The following MGAT5 variants were observed in gnomAD, a reference collection of about 807,000 sequenced individuals.
MGAT5 encodes alpha-1,6-mannosylglycoprotein 6-beta-N-acetylglucosaminyltransferase A.
MGAT5 carries 30 observed loss-of-function variants against 94.3 expected under a neutral mutation model. That is an observed-to-expected ratio of 0.32 (90% CI 0.24 to 0.43). The LOEUF (loss-of-function observed/expected upper bound fraction) is 0.43. Among genes scored for constraint, MGAT5 ranks in the 20% least tolerant of loss-of-function variants. The pLI is 1.00. For missense variants in MGAT5, 691 were observed against 905.5 expected (o/e 0.76, Z 3.04); for synonymous variants, 310 against 322.9 (o/e 0.96, Z 0.43).
chr2:134,427,503 A>G (rs1352016948), intron 13 of MGAT5, among the ~76,000 whole-genome samples: 1 of 152,166 alleles, frequency 6.6e-6, no homozygotes, highest in Non-Finnish European at 1.5e-5. Context: ...CTCCCCTCAA[A>G]TAAAATCGGG....
At position 134,217,782 on chromosome 2, in the gene MGAT5, G is replaced by C. The variant is rs569179066; in HGVS notation, c.-142-36480G>C. ...ATTTGGTCCTCTTCTGAGAGAAAAG[G>C]ACTGTTTAGTTCCACCAGATGAGTC... On this transcript the variant is annotated intron_variant, in intron 1 of 16. Transcript: ENST00000409645. Among the ~76,000 whole-genome samples the C allele has an allele frequency of 2.0e-5, 3 of 152,284 alleles. No individual in the cohort carries two copies. In the South Asian group the frequency reaches 6.2e-4, roughly 32 times the overall value.
intron 10 of MGAT5, among the ~76,000 whole-genome samples, chr2:134,399,549 A>G (rs1682916186): frequency 1.3e-5 from 2 of 152,266 alleles, no homozygotes; most frequent in South Asian, 4.1e-4. Flanking sequence ...GAATAAAAGC[A>G]TTAGGGGGGT....
intron 12 of MGAT5, among the ~76,000 whole-genome samples, chr2:134,421,825 A>G (rs1396102644): frequency 6.6e-6 from 1 of 152,046 alleles, no homozygotes; most frequent in Admixed American, 6.5e-5. Context: ...TTAAAGGGAT[A>G]TGAGGACAGA....
In MGAT5 at chr2:134,343,105, G is replaced by C. The variant is rs182243414; in HGVS notation, c.977+1346G>C. 6.6e-5 allele frequency among the ~76,000 whole-genome samples: 10 copies of C among 152,146 alleles called. No individual in the cohort carries two copies. The East Asian group carries it at 1.9e-3, about 29-fold the overall frequency. ...AATAGGTGAATGAATGAGTGGGTAG[G>C]TAAATAAATGGAGTGCTGTGGTAGA... On this transcript the variant is annotated intron_variant, in intron 7 of 15. Coordinates refer to ENST00000281923, the MANE Select transcript of MGAT5 (RefSeq NM_002410.5).
chr2:134,437,299 AGT>A (rs1379946188), intron 14 of MGAT5, among the ~76,000 whole-genome samples: 1 of 152,116 alleles, frequency 6.6e-6, no homozygotes, highest in Non-Finnish European at 1.5e-5. Context: ...CTCTAGCTTC[AGT>A]GTTAACCTTT....
intron 1 of MGAT5, among the ~76,000 whole-genome samples, chr2:134,138,020 C>T (rs1280154181): frequency 6.8e-6 from 1 of 147,100 alleles, no homozygotes; most frequent in Non-Finnish European, 1.5e-5. Flanking sequence ...GAGACAGAGT[C>T]TTGCTCTCTT....
chr2:134,239,160 G>A (rs1474216913), intron 1 of MGAT5, among the ~76,000 whole-genome samples: 1 of 151,860 alleles, frequency 6.6e-6, no homozygotes, highest in Non-Finnish European at 1.5e-5. Context: ...CACCACACCT[G>A]GCTAATTTTT....
chr2:134,387,161 T>C (rs1287613251), intron 10 of MGAT5, among the ~76,000 whole-genome samples: 3 of 151,482 alleles, frequency 2.0e-5, no homozygotes, highest in East Asian at 3.9e-4. Flanking sequence ...CTCGGGAGGC[T>C]GAGGCAGGAG....
At chr2:134,385,448 A>G (rs922950282) in intron 10 of MGAT5, among the ~76,000 whole-genome samples, 1 of 152,204 alleles carries the variant, frequency 6.6e-6, no homozygotes, top group African/African-American at 2.4e-5. Flanking sequence ...ATTAAATCCA[A>G]AGAGAAGGAA....
At chr2:134,302,938 C>G (rs1686113317) in intron 2 of MGAT5, among the ~76,000 whole-genome samples, 1 of 152,034 alleles carries the variant, frequency 6.6e-6, no homozygotes, top group South Asian at 2.1e-4. Flanking sequence ...TTGTGGTTCA[C>G]TGAATTGCTG....
In MGAT5 at chr2:134,453,846, T is replaced by G. The variant is rs568690757; in HGVS notation, c.*4999T>G. 10 of 152,340 alleles carry G rather than the reference T, an allele frequency of 6.6e-5. No individual in the cohort carries two copies. The highest frequency in any genetic ancestry group is 2.2e-4 in the African/African-American group (9 of 41,578). 9.4% of individuals were successfully genotyped at this position (152,340 alleles called of 1,614,324 possible). On this transcript the variant is annotated 3_prime_UTR_variant, in exon 16 of 16. Transcript: ENST00000281923. ...CCTAAATATCGGTTTGCTTTTTGTT[T>G]TGGGGGAGAGGATTTAGCCTCTTAC...
chr2:134,342,719 T>TAA (rs3838499), intron 7 of MGAT5, among the ~76,000 whole-genome samples: 86,236 of 138,802 alleles, frequency 0.62, 27,979 homozygotes, highest in Admixed American at 0.71. Flanking sequence ...GTCTCTGTCT[T>TAA]AAAAAAAAAA....
At chr2:134,220,386 A>T (rs542183647) in intron 1 of MGAT5, among the ~76,000 whole-genome samples, 34 of 152,166 alleles carry the variant, frequency 2.2e-4, no homozygotes, top group Admixed American at 2.0e-3. Context: ...GGCACACAAG[A>T]TGGTGTCTCT....
At chr2:134,189,109 G>A (rs1689187217) in intron 1 of MGAT5, among the ~76,000 whole-genome samples, 1 of 152,198 alleles carries the variant, frequency 6.6e-6, no homozygotes, top group Non-Finnish European at 1.5e-5. Context: ...TGAGCCTGGT[G>A]TCCAGTTTCT....
rs115651006 is a variant in MGAT5, at chr2:134,449,047, G to A, written c.*200G>A. ...TCACCAAAACAAAACAAGAGCGTAT[G>A]TCAGGCCAGGAGCCTGGCTTGTCCC... is the stretch of plus-strand genomic sequence containing the variant. On this transcript the variant is annotated 3_prime_UTR_variant, in exon 16 of 16. Coordinates refer to ENST00000281923, the MANE Select transcript of MGAT5 (RefSeq NM_002410.5). 19,218 of 594,510 alleles carry A rather than the reference G, an allele frequency of 0.032. 389 individuals carry two copies. The highest frequency in any genetic ancestry group is 0.041 in the Non-Finnish European group (13,609 of 335,076). The allele number at this position is 594,510 out of a possible 1,614,324, so 36.8% of individuals were successfully genotyped here.
At chr2:134,415,380 C>G (rs1683906015) in intron 12 of MGAT5, among the ~76,000 whole-genome samples, 1 of 152,164 alleles carries the variant, frequency 6.6e-6, no homozygotes, top group African/African-American at 2.4e-5. Flanking sequence ...AGATGTTGAG[C>G]ACCTTTTCAT....
chr2:134,366,008 G>A (rs12691864), intron 10 of MGAT5, among the ~76,000 whole-genome samples: 146,348 of 152,118 alleles, frequency 0.96, 70,509 homozygotes, highest in Non-Finnish European at 0.99. Flanking sequence ...CAGAATCCCA[G>A]GGGCATCAAC....
intron 2 of MGAT5, among the ~76,000 whole-genome samples, chr2:134,307,924 G>A (rs1257323961): frequency 1.3e-5 from 2 of 152,080 alleles, no homozygotes; most frequent in East Asian, 3.9e-4. Flanking sequence ...ACTGCCTGGG[G>A]CCACTCAAAT....
intron 1 of MGAT5, among the ~76,000 whole-genome samples, chr2:134,217,931 C>G (rs566528823): frequency 9.9e-5 from 15 of 152,140 alleles, no homozygotes; most frequent in African/African-American, 3.6e-4. Flanking sequence ...AATTGAGATT[C>G]TTTGAGAGCT....
Sources: gnomAD v4.1 joint callset for allele counts (sites outside exome capture counted in the v4.1 genomes callset) on GRCh38, gnomAD v4.1.1 for gene constraint, MANE v1.5 for transcripts, NCBI Gene and HGNC (gene_info 2026-07-23, HGNC 2026-07-21) for gene names.